JAK2: variants seen among roughly 807,000 people sequenced by gnomAD.
JAK2 encodes tyrosine-protein kinase JAK2.
Under a neutral mutation model 139.3 loss-of-function variants are expected in JAK2, and 86 were observed. The observed-to-expected ratio is 0.62, with a 90% CI of 0.52 to 0.74. The LOEUF (loss-of-function observed/expected upper bound fraction) is 0.74. Ranked by LOEUF, JAK2 falls within the 30% of genes least tolerant of loss-of-function variation. The pLI, the probability that JAK2 is intolerant of heterozygous loss-of-function variation, is 0.00. For synonymous variants in JAK2, 490 were observed against 437.7 expected, an observed-to-expected ratio of 1.12 and a Z score of -1.49; for missense variants, 1,421 against 1,360.3, an observed-to-expected ratio of 1.04 and a Z score of -0.70.
chr9:5,001,449 T>C (rs1160849329), intron 2 of JAK2, among the ~76,000 whole-genome samples: 2 of 152,322 alleles, frequency 1.3e-5, no homozygotes, highest in Non-Finnish European at 2.9e-5. Context: ...GACGATCTTA[T>C]GGTTTTGCTC....
At chr9:5,069,814 G>A in intron 11 of JAK2, 111 bp from the exon 12 acceptor site, 1 of 515,020 alleles carries the variant, frequency 1.9e-6, no homozygotes, top group Non-Finnish European at 3.2e-6. Flanking sequence ...GAACAATTAG[G>A]AGTTATTAAG....
intron 19 of JAK2, 143 bp downstream of exon 19, chr9:5,082,004 G>A: frequency 1.4e-6 from 1 of 692,234 alleles, no homozygotes; most frequent in Non-Finnish European, 2.4e-6. Context: ...TTGGAGAAAT[G>A]CTGTGTTAAA....
chr9:5,076,027 G>C (rs1007645029), intron 14 of JAK2, among the ~76,000 whole-genome samples: 1 of 152,122 alleles, frequency 6.6e-6, no homozygotes, highest in Non-Finnish European at 1.5e-5. Flanking sequence ...TGCAGAGATG[G>C]TGGAAACAGA....
chr9:4,986,950 G>A (rs541893803), intron 2 of JAK2, among the ~76,000 whole-genome samples: 3 of 152,288 alleles, frequency 2.0e-5, no homozygotes, highest in African/African-American at 7.2e-5. Context: ...TGATCAGCTT[G>A]TATTTTGATA....
At chr9:5,031,882 C>T (rs971061972) in intron 4 of JAK2, among the ~76,000 whole-genome samples, 3 of 152,188 alleles carry the variant, frequency 2.0e-5, no homozygotes, top group African/African-American at 4.8e-5. Context: ...GTACCGGGTT[C>T]GTCTCACTGG....
intron 19 of JAK2, chr9:5,084,899 G>A (rs1819959719): frequency 2.2e-6 from 1 of 447,118 alleles, no homozygotes; most frequent in African/African-American, 2.0e-5. Context: ...CTTTTAAAAT[G>A]ATTTTTGGTT....
chr9:5,003,590 T>A (rs1168316122), intron 2 of JAK2, among the ~76,000 whole-genome samples: 1 of 152,080 alleles, frequency 6.6e-6, no homozygotes, highest in Non-Finnish European at 1.5e-5. Flanking sequence ...TTTGCTAAAT[T>A]CACTCAGTGA....
rs2130590117 is a variant in JAK2, at chr9:5,078,333, G to A, written c.2020G>A (p.Val674Ile). The A allele has an allele frequency of 6.2e-7, 1 of 1,612,554 alleles. No individual in the cohort carries two copies. Among genetic ancestry groups the A allele is most frequent in the South Asian group, 1.1e-5 (1 of 91,004 alleles). The change falls in exon 16 of 25, where the codon GTA becomes ATA. Residue 674 changes from valine (V) to isoleucine (I), a missense_variant. Coordinates refer to ENST00000381652, the MANE Select transcript of JAK2 (RefSeq NM_004972.4). ...LEENTLIHGNVCAKNILLIRE... is the reference protein window; with the variant it reads ...LEENTLIHGNICAKNILLIRE... Reference sequence around the variant, plus strand: ...AGAAAACACCCTTATTCATGGGAATGTATGTGCCAAAAATATTCTGCTTAT... The same window carrying A: ...AGAAAACACCCTTATTCATGGGAATATATGTGCCAAAAATATTCTGCTTAT...
chr9:5,042,730 G>C (rs1816689911), intron 4 of JAK2, among the ~76,000 whole-genome samples: 1 of 152,164 alleles, frequency 6.6e-6, no homozygotes, highest in African/African-American at 2.4e-5. Flanking sequence ...AGGCCCACCT[G>C]GGAGGGACAC....
intron 22 of JAK2, among the ~76,000 whole-genome samples, chr9:5,095,937 A>G (rs911353950): frequency 1.3e-5 from 2 of 152,204 alleles, no homozygotes; most frequent in African/African-American, 4.8e-5. Flanking sequence ...ACAAATTAAC[A>G]TGATTAACAC....
chr9:5,010,123 A>G (rs923712863), intron 2 of JAK2, among the ~76,000 whole-genome samples: 1 of 152,038 alleles, frequency 6.6e-6, no homozygotes, highest in Non-Finnish European at 1.5e-5. Context: ...TTCTAGTCCT[A>G]TCTACTTTTG....
chr9:5,021,492 G>C (rs972552881), intron 2 of JAK2, among the ~76,000 whole-genome samples: 1 of 152,188 alleles, frequency 6.6e-6, no homozygotes, highest in African/African-American at 2.4e-5. Flanking sequence ...ATGATTTCTT[G>C]CATTGTGCTT....
intron 2 of JAK2, among the ~76,000 whole-genome samples, chr9:5,016,281 A>G (rs1274125097): frequency 6.6e-6 from 1 of 152,140 alleles, no homozygotes; most frequent in African/African-American, 2.4e-5. Flanking sequence ...ATACCTCCTC[A>G]AGGCAGGAAT....
intron 2 of JAK2, among the ~76,000 whole-genome samples, chr9:4,995,647 T>C (rs1820516662): frequency 6.6e-6 from 1 of 152,226 alleles, no homozygotes; most frequent in Non-Finnish European, 1.5e-5. Context: ...TGAACATTTC[T>C]ATTTATTTGT....
intron 22 of JAK2, chr9:5,100,891 C>T (rs1339452680): frequency 6.6e-6 from 1 of 152,228 alleles, no homozygotes; most frequent in South Asian, 2.1e-4. Flanking sequence ...TATCTGCTTC[C>T]TCCGCCAATT....
At position 5,129,114 on chromosome 9, in the gene JAK2, T is replaced by C. The variant is rs987966170; in HGVS notation, c.*2323T>C. Among the ~76,000 whole-genome samples the C allele has an allele frequency of 6.6e-6, 1 of 152,092 alleles. No individual in the cohort carries two copies. Among genetic ancestry groups the C allele is most frequent in the African/African-American group, 2.4e-5 (1 of 41,444 alleles). On this transcript the variant is annotated 3_prime_UTR_variant, in exon 25 of 25. Coordinates refer to ENST00000381652, the MANE Select transcript of JAK2 (RefSeq NM_004972.4). ...TAATTTTCATCACAACTATAACTTC[T>C]GGTATTTAAATTTTATTTAAACAGC...
chr9:5,043,019 C>T (rs1001939494), intron 4 of JAK2, among the ~76,000 whole-genome samples: 2 of 152,228 alleles, frequency 1.3e-5, no homozygotes, highest in African/African-American at 2.4e-5. Flanking sequence ...CGCGGCTCGG[C>T]CCCTGGGCCC....
intron 2 of JAK2, among the ~76,000 whole-genome samples, chr9:5,007,778 G>T (rs894485306): frequency 6.6e-6 from 1 of 151,382 alleles, no homozygotes. Context: ...GAACTGCAGT[G>T]GTGTGATATC....
chr9:5,033,803 C>T (rs944299130), intron 4 of JAK2, among the ~76,000 whole-genome samples: 2 of 152,158 alleles, frequency 1.3e-5, no homozygotes, highest in African/African-American at 4.8e-5. Context: ...ATTGTAAAGA[C>T]CATCGAGGCT....
Sources: allele counts gnomAD v4.1 joint callset (sites outside exome capture counted in the v4.1 genomes callset), GRCh38; gene constraint gnomAD v4.1.1; transcripts MANE v1.5; gene names NCBI Gene and HGNC (gene_info 2026-07-23, HGNC 2026-07-21).